SLC24A2: variants seen among roughly 807,000 people sequenced by gnomAD.
SLC24A2 encodes the protein solute carrier family 24 member 2.
Under a neutral mutation model 62.0 loss-of-function variants are expected in SLC24A2, and 36 were observed. That is an observed-to-expected ratio of 0.58 (90% CI 0.44 to 0.77). The LOEUF is 0.77. Ranked by LOEUF, SLC24A2 falls within the 30% of genes least tolerant of loss-of-function variation. The pLI is 0.00. For synonymous variants in SLC24A2, 358 were observed against 294.0 expected (o/e 1.22, Z -2.23); for missense variants, 846 against 817.9 (o/e 1.03, Z -0.42).
intron 4 of SLC24A2, among the ~76,000 whole-genome samples, chr9:19,609,200 G>A (rs1284553540): frequency 3.9e-5 from 6 of 152,346 alleles, no homozygotes; most frequent in Admixed American, 2.0e-4. Context: ...ATGAATGTGC[G>A]CTCTCACTGC....
At chr9:20,270,057 G>A in the SLC24A2 span, among the ~76,000 whole-genome samples, 2 of 152,102 alleles carry the variant, frequency 1.3e-5, no homozygotes, top group African/African-American at 4.8e-5. Flanking sequence ...AGACTGGAGG[G>A]GCATCTTGGC....
the SLC24A2 span, among the ~76,000 whole-genome samples, chr9:19,829,629 G>A: frequency 6.6e-6 from 1 of 151,716 alleles, no homozygotes; most frequent in Non-Finnish European, 1.5e-5. Flanking sequence ...TATTCAGGAG[G>A]CTGTGGTGGG....
rs1413884408 is a variant in SLC24A2 at position 19,632,790 on chromosome 9, T to C, written c.931-10491A>G. On this transcript the variant is annotated intron_variant, in intron 2 of 10. Coordinates refer to ENST00000341998, the MANE Select transcript of SLC24A2 (RefSeq NM_020344.4). This position sits in a 1 kb window ranked among gnomAD's most constrained non-coding sequence, Gnocchi z 4.5. ...AGGAAGTTGGCATTGGTACAATCTA[T>C]GGAACTCATTCAGATTTCACCAGTT... Among the ~76,000 whole-genome samples, 1 of 152,232 alleles carries C rather than the reference T, an allele frequency of 6.6e-6. No individual in the cohort carries two copies. The highest frequency in any genetic ancestry group is 1.5e-5 in the Non-Finnish European group (1 of 68,044).
At chr9:20,285,594 G>A in the SLC24A2 span, among the ~76,000 whole-genome samples, 1 of 152,180 alleles carries the variant, frequency 6.6e-6, no homozygotes, top group African/African-American at 2.4e-5. Context: ...TGATATCAGA[G>A]AGGGCAAGCT....
the SLC24A2 span, among the ~76,000 whole-genome samples, chr9:19,975,544 C>G: frequency 6.6e-6 from 1 of 152,138 alleles, no homozygotes; most frequent in African/African-American, 2.4e-5. Context: ...TCCTCATCTG[C>G]AAAAGGAAGA....
intron 2 of SLC24A2, among the ~76,000 whole-genome samples, chr9:19,641,841 T>C (rs189203569): frequency 6.6e-6 from 1 of 152,206 alleles, no homozygotes; most frequent in Non-Finnish European, 1.5e-5. Flanking sequence ...ACCATTCTAC[T>C]CAGCTGTTCA....
the SLC24A2 span, among the ~76,000 whole-genome samples, chr9:20,104,616 G>C: frequency 1.3e-5 from 2 of 152,126 alleles, no homozygotes; most frequent in Non-Finnish European, 2.9e-5. Context: ...ATAAGTGAAG[G>C]AGAAATAAAA....
chr9:20,291,293 C>G, the SLC24A2 span, among the ~76,000 whole-genome samples: 1,117 of 152,168 alleles, frequency 7.3e-3, 15 homozygotes, highest in African/African-American at 0.026. Context: ...GAACATGCTT[C>G]TGGTTGGGGA....
At chr9:19,762,912 T>C (rs1016739978) in intron 2 of SLC24A2, among the ~76,000 whole-genome samples, 2 of 151,736 alleles carry the variant, frequency 1.3e-5, no homozygotes, top group Non-Finnish European at 2.9e-5. Context: ...CTATGGGCAG[T>C]ATGGCTGTTT....
chr9:19,562,710 C>CTAAT (rs1463585427), intron 7 of SLC24A2, among the ~76,000 whole-genome samples: 3 of 152,146 alleles, frequency 2.0e-5, no homozygotes, highest in South Asian at 4.2e-4. Flanking sequence ...AAAAAAATCC[C>CTAAT]TAATTTTTGC....
Position 19,550,283 on chromosome 9 carries a change from G to C in SLC24A2, c.1348-15C>G, listed in dbSNP as rs554693357. 28 of 1,613,666 alleles carry C rather than the reference G, an allele frequency of 1.7e-5. No homozygotes were observed. Among genetic ancestry groups the C allele is most frequent in the South Asian group, 1.2e-4 (11 of 91,054 alleles). On this transcript the variant is annotated splice_polypyrimidine_tract_variant and intron_variant, in intron 7 of 10. Coordinates refer to ENST00000341998, the MANE Select transcript of SLC24A2 (RefSeq NM_020344.4). ...TCATCAGCGGTCTGTGGTAGAAAAAGAGGTAAAATTAAACAAACAAAAAAA... is the reference window on the plus strand; with the variant it reads ...TCATCAGCGGTCTGTGGTAGAAAAACAGGTAAAATTAAACAAACAAAAAAA...
At chr9:20,159,500 G>T in the SLC24A2 span, among the ~76,000 whole-genome samples, 2 of 151,720 alleles carry the variant, frequency 1.3e-5, no homozygotes, top group African/African-American at 4.8e-5. Context: ...TATGGAGATG[G>T]ACTGATAGAG....
chr9:19,677,439 G>A (rs1352953922), intron 2 of SLC24A2, among the ~76,000 whole-genome samples: 1 of 152,146 alleles, frequency 6.6e-6, no homozygotes, highest in Non-Finnish European at 1.5e-5. Flanking sequence ...AGACGGTGGA[G>A]GGCAGAAGGA....
chr9:20,079,955 C>A, the SLC24A2 span, among the ~76,000 whole-genome samples: 1 of 152,092 alleles, frequency 6.6e-6, no homozygotes, highest in South Asian at 2.1e-4. Context: ...AATTACAAAC[C>A]ACTGCTCAAT....
the SLC24A2 span, among the ~76,000 whole-genome samples, chr9:20,216,546 A>G: frequency 1.3e-4 from 20 of 152,300 alleles, no homozygotes; most frequent in Non-Finnish European, 2.6e-4. Flanking sequence ...GGAGTATGAT[A>G]GGTGATCTGG....
At chr9:19,908,118 T>G in the SLC24A2 span, among the ~76,000 whole-genome samples, 6 of 152,202 alleles carry the variant, frequency 3.9e-5, no homozygotes, top group Non-Finnish European at 8.8e-5. Flanking sequence ...AACAGCATGG[T>G]ACTGGTACCA....
chr9:19,653,683 G>A (rs1473203717), intron 2 of SLC24A2, among the ~76,000 whole-genome samples: 50 of 152,138 alleles, frequency 3.3e-4, no homozygotes, highest in Admixed American at 3.2e-3. Context: ...CTTTAACGTT[G>A]TCATTCATCT....
At chr9:20,167,484 G>C in the SLC24A2 span, among the ~76,000 whole-genome samples, 37 of 152,064 alleles carry the variant, frequency 2.4e-4, no homozygotes, top group South Asian at 1.5e-3. Context: ...TTTGCAAATA[G>C]ATAGATAGAT....
At chr9:20,161,195 C>A in the SLC24A2 span, among the ~76,000 whole-genome samples, 1 of 151,266 alleles carries the variant, frequency 6.6e-6, no homozygotes, top group Non-Finnish European at 1.5e-5. Context: ...TTAAAAGAGA[C>A]AAGAGGCTTT....
Sources: gnomAD v4.1 joint callset for allele counts (sites outside exome capture counted in the v4.1 genomes callset) on GRCh38, gnomAD v4.1.1 for gene constraint, Gnocchi (gnomAD v3.1) non-coding constraint, MANE v1.5 for transcripts, NCBI Gene and HGNC (gene_info 2026-07-23, HGNC 2026-07-21) for gene names.